PCDHGB5: variants seen among roughly 807,000 people sequenced by gnomAD.
The protein encoded by PCDHGB5 is protocadherin gamma subfamily B, 5.
In PCDHGB5, 48 loss-of-function variants were observed where a neutral mutation model predicts 62.9. The observed-to-expected ratio is 0.76, with a 90% CI of 0.61 to 0.97. The LOEUF (loss-of-function observed/expected upper bound fraction) is 0.97. Ranked by LOEUF, PCDHGB5 falls within the 50% of genes least tolerant of loss-of-function variation. The pLI is 0.00. For synonymous variants in PCDHGB5, 474 were observed against 511.2 expected (o/e 0.93, Z 0.98); for missense variants, 1,118 against 1,198.6 (o/e 0.93, Z 0.99).
chr5:141,509,144 G>A (rs969990007), intron 3 of PCDHGB5, among the ~76,000 whole-genome samples: 1 of 152,114 alleles, frequency 6.6e-6, no homozygotes, highest in African/African-American at 2.4e-5. Context: ...GGCGCATCCC[G>A]GCTCTCCCCT....
At chr5:141,451,107 C>T (rs768308463) in intron 1 of PCDHGB5, among the ~76,000 whole-genome samples, 3 of 152,118 alleles carry the variant, frequency 2.0e-5, no homozygotes, top group Non-Finnish European at 4.4e-5. Flanking sequence ...GGATTACAGG[C>T]GTGAGCCACC....
intron 1 of PCDHGB5, among the ~76,000 whole-genome samples, chr5:141,460,922 ATATGTGTGTGTG>A: frequency 6.6e-6 from 1 of 151,042 alleles, no homozygotes; most frequent in Non-Finnish European, 1.5e-5. Context: ...GTATATATAT[ATATGTGTGTGTG>A]TATATATATG....
chr5:141,414,868 G>A (rs1346192710), intron 1 of PCDHGB5: 1 of 1,614,098 alleles, frequency 6.2e-7, no homozygotes, highest in African/African-American at 1.3e-5. Flanking sequence ...CAATGCGCCC[G>A]AGATCCTGTA....
intron 1 of PCDHGB5, among the ~76,000 whole-genome samples, chr5:141,481,259 C>T (rs1176419744): frequency 1.3e-5 from 2 of 152,146 alleles, no homozygotes; most frequent in African/African-American, 4.8e-5. Context: ...TCTAAAAGAT[C>T]ACTGTAGGAA....
intron 1 of PCDHGB5, chr5:141,421,203 G>A (rs779780797): frequency 2.6e-6 from 4 of 1,522,494 alleles, no homozygotes; most frequent in African/African-American, 1.4e-5. Context: ...TCGAGAAACC[G>A]CGGAATATCG....
At chr5:141,429,925 A>G (rs1009987955) in intron 1 of PCDHGB5, among the ~76,000 whole-genome samples, 5 of 152,244 alleles carry the variant, frequency 3.3e-5, no homozygotes, top group African/African-American at 1.2e-4. Flanking sequence ...TATTAATAGA[A>G]TTCTGGAGTA....
chr5:141,509,595 C>T (rs968797923), intron 3 of PCDHGB5, among the ~76,000 whole-genome samples: 36 of 152,168 alleles, frequency 2.4e-4, no homozygotes, highest in African/African-American at 6.8e-4. Context: ...CTGGCAATTC[C>T]GAGAGGCTGC....
At chr5:141,415,696 G>C (rs867312295) in intron 1 of PCDHGB5, 12 of 1,397,434 alleles carry the variant, frequency 8.6e-6, no homozygotes, top group Non-Finnish European at 1.1e-5. Flanking sequence ...GGTGGAAAGT[G>C]TAAATGCTAA....
Position 141,432,731 on chromosome 5 carries a change from G to C in PCDHGB5, c.2397+32207G>C, listed in dbSNP as rs1244820860. On this transcript the variant is annotated intron_variant, in intron 1 of 3. Coordinates refer to ENST00000617380, the MANE Select transcript of PCDHGB5 (RefSeq NM_018925.3). This position sits in a 1 kb window ranked among gnomAD's most constrained non-coding sequence, Gnocchi z 6.0. ...CGGCCAGCCCCCTCTCTCCGCCACT[G>C]TCACGCTCACCGTGGCCGTGGCCGA... The C allele has an allele frequency of 6.2e-7, 1 of 1,614,068 alleles. No homozygotes were observed.
At chr5:141,429,726 C>T (rs931967000) in intron 1 of PCDHGB5, among the ~76,000 whole-genome samples, 23 of 152,068 alleles carry the variant, frequency 1.5e-4, no homozygotes, top group Admixed American at 1.3e-4. Flanking sequence ...CATGAAAGTA[C>T]GTAGCCAGTT....
At chr5:141,428,600 C>T (rs2097150405) in intron 1 of PCDHGB5, 1 of 223,920 alleles carries the variant, frequency 4.5e-6, no homozygotes, top group African/African-American at 2.3e-5. Flanking sequence ...GCAAGCTTCA[C>T]TGAAGAGAAT....
intron 1 of PCDHGB5, chr5:141,441,126 C>T (rs1319809408): frequency 6.6e-6 from 1 of 152,062 alleles, no homozygotes; most frequent in Non-Finnish European, 1.5e-5. Context: ...CAGTTGAGAC[C>T]GAATTTCTAG....
Position 141,489,242 on chromosome 5 carries a change from T to C in PCDHGB5, c.2398-5565T>C. ...TCTCCACAAAGGGACTTCTGGGTCA[T>C]GGGGCCCAAGACACTCCCACAGCTC... On this transcript the variant is annotated intron_variant, in intron 1 of 3. Transcript: ENST00000617380. This position sits in a 1 kb window ranked among gnomAD's most constrained non-coding sequence, Gnocchi z 4.5. 6.5e-7 allele frequency: 1 copy of C among 1,534,502 alleles called. No individual in the cohort carries two copies. The highest frequency in any genetic ancestry group is 8.8e-7 in the Non-Finnish European group (1 of 1,141,994).
intron 1 of PCDHGB5, among the ~76,000 whole-genome samples, chr5:141,401,929 G>C (rs2094209014): frequency 6.6e-6 from 1 of 152,122 alleles, no homozygotes; most frequent in Non-Finnish European, 1.5e-5. Context: ...GTGATGCTTA[G>C]AATAATGTTT....
At chr5:141,497,245 G>T (rs779763574) in intron 2 of PCDHGB5, among the ~76,000 whole-genome samples, 2 of 152,138 alleles carry the variant, frequency 1.3e-5, no homozygotes, top group Non-Finnish European at 2.9e-5. Flanking sequence ...TCTAGGAGGA[G>T]GTGACATTGA....
At position 141,398,610 on chromosome 5, in the gene PCDHGB5, T is replaced by C; in HGVS notation, c.483T>C (p.Asp161=). The stretch of plus-strand genomic sequence containing the variant: ...TACTAGAAGTAGCAGAAGATGCAGA[T>C]ATTGGCTTAAACTCTCTGCAGAAGT... ...RFILEVAEDA[D]IGLNSLQKYK... The change falls in exon 1 of 4, where the codon GAT becomes GAC. Residue 161 remains aspartate, a synonymous_variant. Transcript: ENST00000617380. 1 of 1,614,020 alleles carries C rather than the reference T, an allele frequency of 6.2e-7. No homozygotes were observed.
In PCDHGB5 at chr5:141,419,962, GCT is replaced by G. The variant is rs1374844110; in HGVS notation, c.2397+19441_2397+19442del. ...TGGTGGCCTTGGCCTTGATTTCTGTGCTCTTTCTCCTCGCGGTGATTCTAGCT... is the reference window on the plus strand; with the variant it reads ...TGGTGGCCTTGGCCTTGATTTCTGTGCTTTCTCCTCGCGGTGATTCTAGCT... On this transcript the variant is annotated intron_variant, in intron 1 of 3. Coordinates refer to ENST00000617380, the MANE Select transcript of PCDHGB5 (RefSeq NM_018925.3). The G allele has an allele frequency of 3.1e-6, 5 of 1,613,974 alleles. No homozygotes were observed. In the African/African-American group the frequency reaches 4.0e-5, roughly 13 times the overall value.
chr5:141,510,916 G>C (rs1044988697), intron 3 of PCDHGB5, 31 bp from the exon 4 acceptor site: 2 of 1,613,714 alleles, frequency 1.2e-6, no homozygotes, highest in African/African-American at 1.3e-5. Flanking sequence ...CCTAAGTTTA[G>C]CTCCCACCTG....
At chr5:141,419,658 A>T in intron 1 of PCDHGB5, 2 of 1,612,782 alleles carry the variant, frequency 1.2e-6, no homozygotes, top group Non-Finnish European at 1.7e-6. Flanking sequence ...GACTCGGGGC[A>T]CAATGCCTGG....
Sources: gnomAD v4.1 joint callset for allele counts (sites outside exome capture counted in the v4.1 genomes callset) on GRCh38, gnomAD v4.1.1 for gene constraint, Gnocchi (gnomAD v3.1) non-coding constraint, MANE v1.5 for transcripts, NCBI Gene and HGNC (gene_info 2026-07-23, HGNC 2026-07-21) for gene names.